Variants in TMEM232 observed in about 807,000 individuals in gnomAD.
TMEM232 encodes the protein transmembrane protein 232.
Under a neutral mutation model 78.8 loss-of-function variants are expected in TMEM232, and 80 were observed. That is an observed-to-expected ratio of 1.01 (90% CI 0.85 to 1.22). The LOEUF is 1.22. Ranked by LOEUF, TMEM232 falls within the 50% of genes most tolerant of loss-of-function variation. TMEM232 has a pLI of 0.00. For synonymous variants in TMEM232, 297 were observed against 254.3 expected, an observed-to-expected ratio of 1.17 and a Z score of -1.60; for missense variants, 881 against 742.2, an observed-to-expected ratio of 1.19 and a Z score of -2.17.
intron 10 of TMEM232, among the ~76,000 whole-genome samples, chr5:110,581,501 T>C (rs1429841666): frequency 6.6e-6 from 1 of 151,980 alleles, no homozygotes; most frequent in Non-Finnish European, 1.5e-5. Flanking sequence ...CCTTAAACTA[T>C]ATACAAAAAT....
chr5:110,709,892 A>G (rs1796300114), intron 1 of TMEM232, among the ~76,000 whole-genome samples: 1 of 152,034 alleles, frequency 6.6e-6, no homozygotes, highest in South Asian at 2.1e-4. Flanking sequence ...TGCTGACTCC[A>G]GGTGAGACCC....
chr5:110,398,963 C>G (rs1003554974), intron 2 of TMEM232, among the ~76,000 whole-genome samples: 3 of 152,078 alleles, frequency 2.0e-5, no homozygotes, highest in African/African-American at 7.2e-5. Context: ...GCCCATTACC[C>G]ATTGTGGACA....
chr5:110,710,160 C>G (rs955237254), intron 1 of TMEM232, among the ~76,000 whole-genome samples: 5 of 151,964 alleles, frequency 3.3e-5, no homozygotes, highest in African/African-American at 1.2e-4. Context: ...ATCAGAAAAT[C>G]TAGAGGAAGT....
At chr5:110,712,306 C>T (rs955993274) in intron 1 of TMEM232, among the ~76,000 whole-genome samples, 1 of 151,388 alleles carries the variant, frequency 6.6e-6, no homozygotes, top group African/African-American at 2.4e-5. Context: ...ACAAAGAGAC[C>T]ACCCAAAGAC....
Position 110,524,365 on chromosome 5 carries a change from AAG to A in TMEM232, c.1703+4221_1703+4222del, listed in dbSNP as rs1380214036. On this transcript the variant is annotated intron_variant, in intron 12 of 13. Transcript: ENST00000455884. ...AGAAAGAGAAAGAAAGAAAGAAAAAAAGAAAGAAAGAAAGAAAGAAAGAAAGA... is the reference window on the plus strand; with the variant it reads ...AGAAAGAGAAAGAAAGAAAGAAAAAAAAAGAAAGAAAGAAAGAAAGAAAGA... Among the ~76,000 whole-genome samples the A allele has an allele frequency of 9.0e-5, 5 of 55,696 alleles. No homozygotes were observed. In the East Asian group the frequency reaches 1.3e-3, roughly 14 times the overall value. 36.5% of individuals were successfully genotyped at this position (55,696 alleles called of 152,430 possible). A position where few individuals can be genotyped will look rare whatever the true frequency, so the allele number is the denominator to read the frequency against.
intron 1 of TMEM232, among the ~76,000 whole-genome samples, chr5:110,688,622 C>T (rs1436607143): frequency 6.6e-6 from 1 of 152,070 alleles, no homozygotes; most frequent in Admixed American, 6.6e-5. Flanking sequence ...CCAAAGGAGG[C>T]CATATAGATG....
intron 2 of TMEM232, among the ~76,000 whole-genome samples, chr5:110,657,883 T>C (rs1020585521): frequency 1.3e-5 from 2 of 152,086 alleles, no homozygotes; most frequent in African/African-American, 2.4e-5. Context: ...TATTAAATAT[T>C]GACTACTCTT....
intron 1 of TMEM232, among the ~76,000 whole-genome samples, chr5:110,668,353 G>A (rs997969608): frequency 1.3e-5 from 2 of 152,102 alleles, no homozygotes; most frequent in African/African-American, 4.8e-5. Flanking sequence ...CTAATCTGAG[G>A]TTGCCCTCTA....
At position 110,667,362 on chromosome 5, in the gene TMEM232, A is replaced by G. The variant is rs946809534; in HGVS notation, c.-10T>C. 7.4e-6 allele frequency: 11 copies of G among 1,493,924 alleles called. No individual in the cohort carries two copies. In the African/African-American group the frequency reaches 1.4e-4, roughly 19 times the overall value. The allele number at this position is 1,493,924 out of a possible 1,614,324, so 92.5% of individuals were successfully genotyped here. A position where few individuals can be genotyped will look rare whatever the true frequency, so the allele number is the denominator to read the frequency against. On this transcript the variant is annotated splice_region_variant and 5_prime_UTR_variant, in exon 2 of 14. Transcript: ENST00000455884. The stretch of plus-strand genomic sequence containing the variant: ...TAACAGGCATATTCATAAATCATAA[A>G]TTCTAAAAGGAATATTAAATGTATG...
intron 12 of TMEM232, among the ~76,000 whole-genome samples, chr5:110,512,099 A>G (rs1320946751): frequency 1.3e-5 from 2 of 152,172 alleles, no homozygotes; most frequent in Non-Finnish European, 2.9e-5. Flanking sequence ...ACTCATCATT[A>G]CAGAGATTTA....
downstream of TMEM232, among the ~76,000 whole-genome samples, chr5:110,414,778 G>C (rs311709): frequency 0.28 from 42,666 of 152,076 alleles, 10,018 homozygotes; most frequent in African/African-American, 0.63. Context: ...GAGGTCTGGT[G>C]TGTGTAAGGA....
intron 2 of TMEM232, among the ~76,000 whole-genome samples, chr5:110,410,049 A>G (rs1291288821): frequency 1.3e-5 from 2 of 152,176 alleles, no homozygotes; most frequent in Non-Finnish European, 2.9e-5. Flanking sequence ...GAGCTTCATC[A>G]TGGGTAGGGT....
intron 1 of TMEM232, among the ~76,000 whole-genome samples, chr5:110,681,120 C>T (rs1792696176): frequency 6.6e-6 from 1 of 152,126 alleles, no homozygotes; most frequent in African/African-American, 2.4e-5. Context: ...ATGTGCAGTT[C>T]ATAAAAGCCA....
intron 13 of TMEM232, 109 bp downstream of exon 13, chr5:110,424,713 AC>A: frequency 3.6e-6 from 3 of 842,278 alleles, no homozygotes; most frequent in Non-Finnish European, 5.5e-6. Flanking sequence ...TCATGGCTCT[AC>A]TTTTAAATTT....
Position 110,427,340 on chromosome 5 carries a change from C to G in TMEM232, c.1704-2424G>C, listed in dbSNP as rs148979113. Among the ~76,000 whole-genome samples, 39 of 152,008 alleles carry G rather than the reference C, an allele frequency of 2.6e-4. No homozygotes were observed. The East Asian group carries it at 7.5e-3, about 29-fold the overall frequency. On this transcript the variant is annotated intron_variant, in intron 12 of 13. Coordinates refer to ENST00000455884, the MANE Select transcript of TMEM232 (RefSeq NM_001039763.4). ...TATAAATCAAACATTAAACAAGTTT[C>G]AGCTGCAATATCTTTATCATATTCA...
At chr5:110,390,748 C>G (rs1481971824) in intron 3 of TMEM232, 1 of 152,174 alleles carries the variant, frequency 6.6e-6, no homozygotes, top group Admixed American at 6.5e-5. Flanking sequence ...CTCTGAATTC[C>G]TTTTAAAATA....
At chr5:110,652,494 T>A (rs186585242) in intron 2 of TMEM232, among the ~76,000 whole-genome samples, 39 of 152,258 alleles carry the variant, frequency 2.6e-4, no homozygotes, top group Admixed American at 5.2e-4. Context: ...CTACATTGTA[T>A]AATAATTTTA....
intron 1 of TMEM232, among the ~76,000 whole-genome samples, chr5:110,693,748 T>C (rs536289485): frequency 6.6e-6 from 1 of 151,962 alleles, no homozygotes; most frequent in East Asian, 1.9e-4. Context: ...AAGGGAAGTT[T>C]AGAGAAAAAA....
intron 7 of TMEM232, among the ~76,000 whole-genome samples, chr5:110,624,519 C>A (rs972041446): frequency 1.3e-5 from 2 of 152,062 alleles, no homozygotes; most frequent in African/African-American, 4.8e-5. Context: ...TGCTCGATAT[C>A]TTTCATTATC....
Sources: gnomAD v4.1 joint callset for allele counts (sites outside exome capture counted in the v4.1 genomes callset) on GRCh38, gnomAD v4.1.1 for gene constraint, MANE v1.5 for transcripts, NCBI Gene and HGNC (gene_info 2026-07-23, HGNC 2026-07-21) for gene names.